PTPN14: variants seen among roughly 807,000 people sequenced by gnomAD.
The protein encoded by PTPN14 is protein tyrosine phosphatase non-receptor type 14.
PTPN14 carries 53 observed loss-of-function variants against 126.8 expected under a neutral mutation model. That is an observed-to-expected ratio of 0.42 (90% CI 0.34 to 0.53). The LOEUF is 0.53. PTPN14 is among the 20% of genes least tolerant of loss of function. The pLI, the probability that PTPN14 is intolerant of heterozygous loss-of-function variation, is 0.08. For missense variants in PTPN14, 1,257 were observed against 1,552.9 expected (o/e 0.81, Z 3.20); for synonymous variants, 630 against 599.3 (o/e 1.05, Z -0.75).
At chr1:214,477,906 T>G (rs1253528693) in intron 1 of PTPN14, among the ~76,000 whole-genome samples, 1 of 152,236 alleles carries the variant, frequency 6.6e-6, no homozygotes, top group East Asian at 1.9e-4. Context: ...GATTTATGTT[T>G]CAGAATGCTA....
At chr1:214,388,132 A>G (rs1405556669) in intron 11 of PTPN14, among the ~76,000 whole-genome samples, 2 of 152,184 alleles carry the variant, frequency 1.3e-5, no homozygotes, top group South Asian at 2.1e-4. Flanking sequence ...AAAAACTTCA[A>G]TGGATTAAAT....
chr1:214,393,841 G>C, intron 9 of PTPN14, 64 bp from the exon 10 acceptor site: 1 of 1,324,608 alleles, frequency 7.5e-7, no homozygotes, highest in African/African-American at 1.5e-5. Flanking sequence ...ATTTCATTAA[G>C]ATTCTTCTGA....
At chr1:214,397,659 C>T (rs963656514) in intron 8 of PTPN14, among the ~76,000 whole-genome samples, 4 of 152,166 alleles carry the variant, frequency 2.6e-5, no homozygotes, top group African/African-American at 9.7e-5. Context: ...ACCAGACTCA[C>T]GAAGTTTAGT....
At chr1:214,542,167 TAC>T (rs1019712167) in intron 1 of PTPN14, among the ~76,000 whole-genome samples, 15 of 152,214 alleles carry the variant, frequency 9.9e-5, no homozygotes, top group African/African-American at 3.1e-4. Flanking sequence ...ATGTTATATG[TAC>T]ACACACATAT....
chr1:214,436,677 C>G (rs1659924187), intron 3 of PTPN14, among the ~76,000 whole-genome samples: 1 of 151,136 alleles, frequency 6.6e-6, no homozygotes, highest in Non-Finnish European at 1.5e-5. Flanking sequence ...ATCCCAGCTA[C>G]TGGGGAGGCT....
intron 1 of PTPN14, among the ~76,000 whole-genome samples, chr1:214,541,593 G>C (rs1044770013): frequency 6.6e-6 from 1 of 152,126 alleles, no homozygotes; most frequent in Non-Finnish European, 1.5e-5. Flanking sequence ...CAGGCCACAG[G>C]GTTCCAGTGA....
intron 1 of PTPN14, among the ~76,000 whole-genome samples, chr1:214,523,883 T>C (rs148332671): frequency 0.015 from 2,307 of 149,716 alleles, 59 homozygotes; most frequent in African/African-American, 0.052. Flanking sequence ...AGAGTCTTGC[T>C]CTGTCACCCA....
chr1:214,357,886 A>G lies in PTPN14; in HGVS notation c.*36T>C. 6.3e-7 allele frequency: 1 copy of G among 1,597,654 alleles called. No individual in the cohort carries two copies. The highest frequency in any genetic ancestry group is 8.6e-7 in the Non-Finnish European group (1 of 1,166,954). On this transcript the variant is annotated 3_prime_UTR_variant, in exon 19 of 19. Transcript: ENST00000366956. ...AGGTGACTCTCCTCCAGCGCGATGGAGCTGGGTCCCTCCTCCAGGAGCTGG... is the reference window on the plus strand; with the variant it reads ...AGGTGACTCTCCTCCAGCGCGATGGGGCTGGGTCCCTCCTCCAGGAGCTGG...
At chr1:214,408,770 A>T (rs572239939) in intron 5 of PTPN14, among the ~76,000 whole-genome samples, 6 of 152,290 alleles carry the variant, frequency 3.9e-5, no homozygotes, top group African/African-American at 1.4e-4. Flanking sequence ...TAATATTTGA[A>T]TTGAGACCTG....
In PTPN14 at chr1:214,383,506, A is replaced by G. The variant is rs772980231; in HGVS notation, c.2349T>C (p.His783=). 2.5e-5 allele frequency: 41 copies of G among 1,614,000 alleles called. No individual in the cohort carries two copies. The highest frequency in any genetic ancestry group is 7.6e-6 in the Non-Finnish European group (9 of 1,180,028). ...ACATGCTGATGGCCTTGGCTGGCCC[A>G]TGCCTCAGCACCCTGGCTCTGGCCA... ...PAMARARVLR[H]GPAKAISMSR... is the part of the protein sequence containing the mutation. Residue 783 remains histidine, a synonymous_variant, in exon 13 of 19, where the codon CAT becomes CAC. Coordinates refer to ENST00000366956, the MANE Select transcript of PTPN14 (RefSeq NM_005401.5). The surrounding 1 kb of genome is among the most constrained non-coding windows in gnomAD (Gnocchi z 4.4).
intron 11 of PTPN14, among the ~76,000 whole-genome samples, chr1:214,388,824 T>A (rs1181367140): frequency 6.6e-6 from 1 of 152,164 alleles, no homozygotes; most frequent in Non-Finnish European, 1.5e-5. Flanking sequence ...TCAGCATCCC[T>A]CAATGGAAGA....
In PTPN14 at chr1:214,401,711, A is replaced by T. The variant is rs763791314; in HGVS notation, c.643T>A (p.Phe215Ile). Residue 215 changes from phenylalanine (F) to isoleucine (I), a missense_variant, in exon 7 of 19, where the codon TTT becomes ATT. Phe to Ile is a conservative substitution (Grantham distance 21). Coordinates refer to ENST00000366956, the MANE Select transcript of PTPN14 (RefSeq NM_005401.5). ...TTTACAGGGAAGATTTCCTGTCCAA[A>T]TCCATCCAAACGTTCAACTTCATTG... ...YINEVERLDG[F>I]GQEIFPVKDN... 2 of 1,592,198 alleles carry T rather than the reference A, an allele frequency of 1.3e-6. No homozygotes were observed. Among genetic ancestry groups the T allele is most frequent in the Non-Finnish European group, 1.7e-6 (2 of 1,160,872 alleles).
Position 214,351,116 on chromosome 1 carries a change from G to C in PTPN14, c.*6806C>G, listed in dbSNP as rs1354475761. The C allele has an allele frequency of 6.6e-6, 1 of 151,768 alleles. No individual in the cohort carries two copies. Among genetic ancestry groups the C allele is most frequent in the Non-Finnish European group, 1.5e-5 (1 of 67,996 alleles). 9.4% of individuals were successfully genotyped at this position (151,768 alleles called of 1,614,324 possible). On this transcript the variant is annotated 3_prime_UTR_variant, in exon 19 of 19. Coordinates refer to ENST00000366956, the MANE Select transcript of PTPN14 (RefSeq NM_005401.5). ...TAATCCCAGCACTTTGGGAGGCCGA[G>C]GGGGGTCATCACGAGGTCAGAGGTT...
chr1:214,376,417 T>C lies in PTPN14; in HGVS notation c.2709A>G (p.Lys903=). The change falls in exon 15 of 19, where the codon AAA becomes AAG. Residue 903 remains lysine (K), a synonymous_variant. Transcript: ENST00000366956. ...CTGTGAACACCATTCCCTCTTCTAG[T>C]TTCTTCTTCAGGGTTCTGAACTGCA... ...MDERFRTLKK[K]LEEGMVFTEY... 2 of 1,613,750 alleles carry C rather than the reference T, an allele frequency of 1.2e-6. No individual in the cohort carries two copies. The highest frequency in any genetic ancestry group is 1.7e-6 in the Non-Finnish European group (2 of 1,179,636).
At chr1:214,421,397 G>A (rs1158307113) in intron 3 of PTPN14, among the ~76,000 whole-genome samples, 1 of 152,170 alleles carries the variant, frequency 6.6e-6, no homozygotes, top group Non-Finnish European at 1.5e-5. Context: ...GTTGAGGGAA[G>A]AAGAGGCTGA....
Position 214,383,710 on chromosome 1 carries a change from C to G in PTPN14, c.2145G>C (p.Glu715Asp). 6.2e-7 allele frequency: 1 copy of G among 1,609,298 alleles called. No individual in the cohort carries two copies. Among genetic ancestry groups the G allele is most frequent in the Non-Finnish European group, 8.5e-7 (1 of 1,178,846 alleles). Residue 715 changes from glutamate (E) to aspartate (D), a missense_variant, in exon 13 of 19, where the codon GAG becomes GAC. By Grantham distance (45) the Glu-to-Asp change is conservative (BLOSUM62 2). This residue lies in a region of PTPN14 where 1,021 missense variants were observed against 1,183.3 expected (regional missense o/e 0.86). Transcript: ENST00000366956. This position sits in a 1 kb window ranked among gnomAD's most constrained non-coding sequence, Gnocchi z 4.4. ...IHSSESEEEE[E>D]EAPESVPQIP... ...TCTGGGGCACCGATTCTGGAGCCTCCTCCTCCTCCTCCTCACTCTCGCTGC... is the reference window on the plus strand; with the variant it reads ...TCTGGGGCACCGATTCTGGAGCCTCGTCCTCCTCCTCCTCACTCTCGCTGC...
intron 1 of PTPN14, among the ~76,000 whole-genome samples, chr1:214,538,038 C>G (rs1655749452): frequency 6.6e-6 from 1 of 152,178 alleles, no homozygotes; most frequent in Non-Finnish European, 1.5e-5. Context: ...AGCAATATCC[C>G]AACTCAGACT....
chr1:214,432,217 G>T (rs1232268943), intron 3 of PTPN14, among the ~76,000 whole-genome samples: 1 of 151,830 alleles, frequency 6.6e-6, no homozygotes, highest in Non-Finnish European at 1.5e-5. Context: ...AGTAGGATTT[G>T]CAACTAAATA....
At chr1:214,413,636 T>C (rs1659358615) in intron 4 of PTPN14, among the ~76,000 whole-genome samples, 1 of 152,212 alleles carries the variant, frequency 6.6e-6, no homozygotes, top group Non-Finnish European at 1.5e-5. Context: ...TCAAAAACTA[T>C]ATTACCATCT....
Sources: gnomAD v4.1 joint callset for allele counts (sites outside exome capture counted in the v4.1 genomes callset) on GRCh38, gnomAD v4.1.1 for gene constraint, gnomAD v4.1.1 regional missense constraint, Gnocchi (gnomAD v3.1) non-coding constraint, MANE v1.5 for transcripts, NCBI Gene and HGNC (gene_info 2026-07-23, HGNC 2026-07-21) for gene names.